Variants in TSHZ2 observed in about 807,000 individuals in gnomAD.
TSHZ2 encodes the protein teashirt homolog 2.
Under a neutral mutation model 74.4 loss-of-function variants are expected in TSHZ2, and 21 were observed. The observed-to-expected ratio is 0.28, with a 90% CI of 0.20 to 0.41. TSHZ2 has a LOEUF of 0.41. TSHZ2 is among the 10% of genes least tolerant of loss of function. TSHZ2 has a pLI of 1.00. For missense variants in TSHZ2, 1,244 were observed against 1,293.5 expected, an observed-to-expected ratio of 0.96 and a Z score of 0.59; for synonymous variants, 540 against 515.3, an observed-to-expected ratio of 1.05 and a Z score of -0.65.
At chr20:53,232,828 AT>A (rs1386344253) in intron 1 of TSHZ2, among the ~76,000 whole-genome samples, 2 of 152,132 alleles carry the variant, frequency 1.3e-5, no homozygotes, top group African/African-American at 4.8e-5. Flanking sequence ...TTTTTCATCC[AT>A]TCAACAATTA....
At chr20:53,083,428 C>T (rs751749408) in intron 1 of TSHZ2, among the ~76,000 whole-genome samples, 11 of 152,344 alleles carry the variant, frequency 7.2e-5, no homozygotes, top group Admixed American at 2.6e-4. Context: ...ACATTTCTAT[C>T]GGTTTTAACC....
At chr20:53,348,109 A>G (rs754993655) in intron 2 of TSHZ2, among the ~76,000 whole-genome samples, 18 of 152,350 alleles carry the variant, frequency 1.2e-4, no homozygotes, top group Non-Finnish European at 2.1e-4. Flanking sequence ...TAAGATAAAC[A>G]TGAAGTGACC....
intron 2 of TSHZ2, among the ~76,000 whole-genome samples, chr20:53,403,082 C>G (rs745883301): frequency 2.0e-5 from 3 of 152,164 alleles, no homozygotes; most frequent in African/African-American, 7.2e-5. Context: ...CAGTAGTTCC[C>G]AGTGTCTGTC....
chr20:53,329,905 T>C (rs1039840919), intron 2 of TSHZ2, among the ~76,000 whole-genome samples: 1 of 152,228 alleles, frequency 6.6e-6, no homozygotes, highest in Non-Finnish European at 1.5e-5. Flanking sequence ...TAAGGTTTAC[T>C]ACAAAAATTC....
intron 2 of TSHZ2, among the ~76,000 whole-genome samples, chr20:53,432,082 C>T (rs979201240): frequency 3.2e-4 from 49 of 152,224 alleles, no homozygotes; most frequent in African/African-American, 1.1e-3. Context: ...ATTGGTCACC[C>T]GAGTAGTGTA....
chr20:53,347,515 C>A (rs986281384), intron 2 of TSHZ2, among the ~76,000 whole-genome samples: 7 of 152,140 alleles, frequency 4.6e-5, no homozygotes, highest in Non-Finnish European at 8.8e-5. Context: ...CCTTATTCAA[C>A]TTCTCCCTTT....
intron 1 of TSHZ2, among the ~76,000 whole-genome samples, chr20:53,002,096 C>T (rs79748672): frequency 0.015 from 2,261 of 152,246 alleles, 25 homozygotes; most frequent in Middle Eastern, 0.027. Flanking sequence ...AAGTGAGAGC[C>T]GGAACTTATT....
chr20:53,374,771 T>G (rs1248698368), intron 2 of TSHZ2, among the ~76,000 whole-genome samples: 1 of 152,206 alleles, frequency 6.6e-6, no homozygotes, highest in Non-Finnish European at 1.5e-5. Context: ...CTCATATGCT[T>G]CTTGGCCACA....
chr20:53,471,441 A>C (rs1360361368), intron 2 of TSHZ2, among the ~76,000 whole-genome samples: 1 of 152,192 alleles, frequency 6.6e-6, no homozygotes, highest in Non-Finnish European at 1.5e-5. Flanking sequence ...TAAACTCAAA[A>C]TTATATATGC....
At chr20:53,070,144 T>G (rs1274289738) in intron 1 of TSHZ2, among the ~76,000 whole-genome samples, 3 of 152,234 alleles carry the variant, frequency 2.0e-5, no homozygotes, top group Non-Finnish European at 4.4e-5. Flanking sequence ...GTATTCATGA[T>G]TTTATGATTA....
intron 1 of TSHZ2, among the ~76,000 whole-genome samples, chr20:53,084,572 T>G (rs1184367162): frequency 6.8e-6 from 1 of 146,958 alleles, no homozygotes; most frequent in East Asian, 2.0e-4. Context: ...CATGTTCAAT[T>G]TTTAAAAATT....
intron 2 of TSHZ2, among the ~76,000 whole-genome samples, chr20:53,258,964 T>A (rs1164693498): frequency 6.6e-6 from 1 of 152,224 alleles, no homozygotes; most frequent in Admixed American, 6.5e-5. Flanking sequence ...GTGTTCATCG[T>A]AAAAATACTC....
At chr20:53,143,057 A>G (rs975781543) in intron 1 of TSHZ2, among the ~76,000 whole-genome samples, 2 of 152,156 alleles carry the variant, frequency 1.3e-5, no homozygotes, top group Non-Finnish European at 2.9e-5. Context: ...TTTTCTCCTC[A>G]GTCCATTTTG....
chr20:53,412,302 G>A (rs1983081769), intron 2 of TSHZ2, among the ~76,000 whole-genome samples: 2 of 152,230 alleles, frequency 1.3e-5, no homozygotes, highest in Admixed American at 6.5e-5. Context: ...AGTTAGAAAA[G>A]GGAATGGGAC....
chr20:53,192,292 TAAA>T (rs58001328), intron 1 of TSHZ2, among the ~76,000 whole-genome samples: 9 of 136,986 alleles, frequency 6.6e-5, no homozygotes, highest in South Asian at 4.6e-4. Flanking sequence ...CTTCTCTGGC[TAAA>T]AAAAAAAAAA....
intron 1 of TSHZ2, among the ~76,000 whole-genome samples, chr20:53,135,598 T>TA (rs756090270): frequency 1.9e-4 from 29 of 152,112 alleles, no homozygotes; most frequent in Non-Finnish European, 3.8e-4. Context: ...ATTTTTATTT[T>TA]ATTTTATTTT....
At chr20:53,177,467 C>T (rs1204291394) in intron 1 of TSHZ2, among the ~76,000 whole-genome samples, 3 of 152,056 alleles carry the variant, frequency 2.0e-5, no homozygotes, top group East Asian at 1.9e-4. Context: ...TCCAAGGAGC[C>T]TTCACTGGTG....
At chr20:53,373,356 C>T (rs1981545493) in intron 2 of TSHZ2, among the ~76,000 whole-genome samples, 1 of 152,134 alleles carries the variant, frequency 6.6e-6, no homozygotes, top group Admixed American at 6.5e-5. Flanking sequence ...CTGATGCTGA[C>T]CTGAGATGTT....
chr20:53,095,415 G>T (rs1300321481), intron 1 of TSHZ2, among the ~76,000 whole-genome samples: 1 of 152,194 alleles, frequency 6.6e-6, no homozygotes, highest in Non-Finnish European at 1.5e-5. Flanking sequence ...TCACATTTAG[G>T]ACATGCGACA....
Sources: gnomAD v4.1 joint callset for allele counts (sites outside exome capture counted in the v4.1 genomes callset) on GRCh38, gnomAD v4.1.1 for gene constraint, MANE v1.5 for transcripts, NCBI Gene and HGNC (gene_info 2026-07-23, HGNC 2026-07-21) for gene names.